BABAM2: variants seen among roughly 807,000 people sequenced by gnomAD.
The protein encoded by BABAM2 is BRISC and BRCA1-A complex member 2.
In BABAM2, 31 loss-of-function variants were observed where a neutral mutation model predicts 54.7. That is an observed-to-expected ratio of 0.57 (90% CI 0.43 to 0.77). The LOEUF (loss-of-function observed/expected upper bound fraction) is 0.77, where lower values mean the gene tolerates loss of function less well. Ranked by LOEUF, BABAM2 falls within the 30% of genes least tolerant of loss-of-function variation. BABAM2 has a pLI of 0.00. For synonymous variants in BABAM2, 167 were observed against 162.9 expected (o/e 1.03, Z -0.19); for missense variants, 364 against 455.8 (o/e 0.80, Z 1.83).
intron 6 of BABAM2, among the ~76,000 whole-genome samples, chr2:28,075,528 T>TTC (rs3056389): frequency 1.1e-4 from 16 of 150,216 alleles, no homozygotes; most frequent in East Asian, 9.7e-4. Flanking sequence ...CATCACGTTT[T>TTC]TCTCTCTCTC....
chr2:28,330,102 T>A (rs1572430809), intron 11 of BABAM2, among the ~76,000 whole-genome samples: 1 of 152,220 alleles, frequency 6.6e-6, no homozygotes. Flanking sequence ...TCTCAATAGA[T>A]GCAGAAAAGG....
intron 6 of BABAM2, among the ~76,000 whole-genome samples, chr2:28,075,102 A>T (rs890319819): frequency 6.6e-6 from 1 of 152,086 alleles, no homozygotes. Context: ...TCCTTACTAC[A>T]AAGTCTTAAG....
At chr2:28,115,916 A>T (rs751220694) in intron 6 of BABAM2, among the ~76,000 whole-genome samples, 1 of 152,008 alleles carries the variant, frequency 6.6e-6, no homozygotes, top group Non-Finnish European at 1.5e-5. Context: ...GGAGTTCGAG[A>T]CCAGCCTGAC....
At chr2:28,096,591 A>G (rs538514758) in intron 6 of BABAM2, among the ~76,000 whole-genome samples, 1 of 152,238 alleles carries the variant, frequency 6.6e-6, no homozygotes, top group Admixed American at 6.5e-5. Context: ...ATTTCCATAT[A>G]TCTGTGGTTT....
At chr2:27,991,889 G>C (rs1672806097) in intron 4 of BABAM2, among the ~76,000 whole-genome samples, 1 of 152,170 alleles carries the variant, frequency 6.6e-6, no homozygotes, top group Non-Finnish European at 1.5e-5. Context: ...TGGAATTGCA[G>C]GGTCAAATGG....
At chr2:28,055,832 A>G (rs529366918) in intron 6 of BABAM2, among the ~76,000 whole-genome samples, 1 of 152,354 alleles carries the variant, frequency 6.6e-6, no homozygotes, top group African/African-American at 2.4e-5. Context: ...AACATATGGA[A>G]ACAACCTAAT....
At chr2:28,104,018 A>T (rs1667296247) in intron 6 of BABAM2, among the ~76,000 whole-genome samples, 1 of 152,210 alleles carries the variant, frequency 6.6e-6, no homozygotes, top group Non-Finnish European at 1.5e-5. Flanking sequence ...CACATTTGTA[A>T]ATCTTTAGAA....
chr2:27,910,382 G>A (rs191604274), intron 2 of BABAM2, among the ~76,000 whole-genome samples: 61 of 151,394 alleles, frequency 4.0e-4, no homozygotes, highest in African/African-American at 1.4e-3. Context: ...AACATTAAAG[G>A]TTTAAACTAA....
intron 11 of BABAM2, among the ~76,000 whole-genome samples, chr2:28,320,114 C>A (rs1250391422): frequency 1.3e-5 from 2 of 152,218 alleles, no homozygotes; most frequent in Non-Finnish European, 2.9e-5. Context: ...TATGGGCAAA[C>A]TTTGAAAGAC....
intron 1 of BABAM2, among the ~76,000 whole-genome samples, chr2:27,893,865 G>A (rs752100908): frequency 5.9e-5 from 9 of 151,954 alleles, no homozygotes; most frequent in African/African-American, 1.7e-4. Flanking sequence ...GTGGTGGCAT[G>A]TGCCTGTAGT....
At chr2:28,074,334 T>C (rs1664456519) in intron 6 of BABAM2, among the ~76,000 whole-genome samples, 1 of 152,192 alleles carries the variant, frequency 6.6e-6, no homozygotes, top group Non-Finnish European at 1.5e-5. Context: ...TCCTGGCATC[T>C]GCCTGCCAGA....
At chr2:27,910,432 A>G (rs1666500157) in intron 2 of BABAM2, among the ~76,000 whole-genome samples, 1 of 152,194 alleles carries the variant, frequency 6.6e-6, no homozygotes, top group South Asian at 2.1e-4. Flanking sequence ...GAGGTATAGT[A>G]TACATTCAGA....
intron 4 of BABAM2, among the ~76,000 whole-genome samples, chr2:28,004,327 C>A (rs1404493380): frequency 6.6e-6 from 1 of 152,064 alleles, no homozygotes; most frequent in Admixed American, 6.5e-5. Context: ...TGGTTTCTAG[C>A]CTTGAATTGA....
chr2:28,153,170 G>T (rs190240830), intron 7 of BABAM2, among the ~76,000 whole-genome samples: 14 of 152,142 alleles, frequency 9.2e-5, no homozygotes, highest in African/African-American at 2.9e-4. Context: ...GACGTATTAG[G>T]ATTTCAGATC....
chr2:27,900,431 C>G (rs1665690958), intron 2 of BABAM2, among the ~76,000 whole-genome samples: 1 of 150,926 alleles, frequency 6.6e-6, no homozygotes, highest in African/African-American at 2.4e-5. Flanking sequence ...ATTTTTCTAC[C>G]TTACTTAATA....
At chr2:28,333,040 C>CG (rs1691102008) in intron 11 of BABAM2, among the ~76,000 whole-genome samples, 2 of 152,154 alleles carry the variant, frequency 1.3e-5, no homozygotes, top group Admixed American at 6.6e-5. Flanking sequence ...TCGGCACACA[C>CG]GCGTTCTTCT....
chr2:27,926,496 G>A (rs1053328480), intron 2 of BABAM2, among the ~76,000 whole-genome samples: 12 of 152,030 alleles, frequency 7.9e-5, no homozygotes, highest in Admixed American at 1.3e-4. Flanking sequence ...TTCAGTTTTC[G>A]GATTTCACCT....
chr2:28,065,567 G>T (rs978722003), intron 6 of BABAM2, among the ~76,000 whole-genome samples: 6 of 152,146 alleles, frequency 3.9e-5, no homozygotes, highest in African/African-American at 1.4e-4. Flanking sequence ...ACAAAGTTCT[G>T]TTTCTCTACC....
At position 28,208,029 on chromosome 2, in the gene BABAM2, C is replaced by CTGTGTGTG. The variant is rs4043353; in HGVS notation, c.681-29143_681-29136dup. On this transcript the variant is annotated intron_variant, in intron 7 of 11. Transcript: ENST00000379624. ...TTGTGAGGGAGGAGGGTGTTAAAGG[C>CTGTGTGTG]TGTGTGTGTGTGTGTGTGTGTGTGT... Among the ~76,000 whole-genome samples, 38 of 149,828 alleles carry CTGTGTGTG rather than the reference C, an allele frequency of 2.5e-4. 1 individual carries two copies. The highest frequency in any genetic ancestry group is 8.8e-4 in the African/African-American group (36 of 40,932).
Sources: gnomAD v4.1 joint callset for allele counts (sites outside exome capture counted in the v4.1 genomes callset) on GRCh38, gnomAD v4.1.1 for gene constraint, MANE v1.5 for transcripts, NCBI Gene and HGNC (gene_info 2026-07-23, HGNC 2026-07-21) for gene names.